The following GALNT13 variants were observed in gnomAD, a reference collection of about 807,000 sequenced individuals.
GALNT13 encodes the protein UDP-GalNAc:polypeptide N-acetylgalactosaminyltransferase 13.
GALNT13 carries 28 observed loss-of-function variants against 64.2 expected under a neutral mutation model. The ratio of observed to expected loss-of-function variants is 0.44; its 90% CI spans 0.32 to 0.60. The LOEUF is 0.60. Ranked by LOEUF, GALNT13 falls within the 20% of genes least tolerant of loss-of-function variation. GALNT13 has a pLI of 0.05. For synonymous variants in GALNT13, 214 were observed against 224.6 expected (o/e 0.95, Z 0.42); for missense variants, 577 against 669.8 (o/e 0.86, Z 1.53).
chr2:154,111,127 T>C (rs1052338131), intron 3 of GALNT13, among the ~76,000 whole-genome samples: 9 of 152,328 alleles, frequency 5.9e-5, no homozygotes, highest in African/African-American at 1.4e-4. Context: ...GGTCATGTGT[T>C]CGTAGGTGGT....
intron 3 of GALNT13, among the ~76,000 whole-genome samples, chr2:153,990,733 A>G (rs2105187869): frequency 6.6e-6 from 1 of 152,302 alleles, no homozygotes; most frequent in Middle Eastern, 3.4e-3. Flanking sequence ...CTAAATGAAT[A>G]GTTTAATGTG....
the GALNT13 span, among the ~76,000 whole-genome samples, chr2:153,549,474 G>A: frequency 3.3e-5 from 5 of 152,184 alleles, no homozygotes; most frequent in African/African-American, 1.2e-4. Flanking sequence ...ATGGCCTCAT[G>A]ACTTGCTTTG....
chr2:153,558,917 T>C, the GALNT13 span, among the ~76,000 whole-genome samples: 16 of 152,204 alleles, frequency 1.1e-4, no homozygotes, highest in Non-Finnish European at 2.2e-4. Flanking sequence ...CCAGGAATAA[T>C]GGTCAATTGC....
At chr2:153,921,403 G>A (rs1472947633) in intron 2 of GALNT13, among the ~76,000 whole-genome samples, 1 of 152,116 alleles carries the variant, frequency 6.6e-6, no homozygotes, top group Non-Finnish European at 1.5e-5. Context: ...ATTTGTAAGT[G>A]GGAGCTAAAC....
At chr2:154,287,243 A>T (rs914391415) in intron 8 of GALNT13, 2 of 1,025,304 alleles carry the variant, frequency 2.0e-6, no homozygotes, top group African/African-American at 3.1e-5. Context: ...GGCAGCCATC[A>T]TCTTTGCCGA....
At chr2:153,454,859 T>C in the GALNT13 span, among the ~76,000 whole-genome samples, 1 of 152,254 alleles carries the variant, frequency 6.6e-6, no homozygotes, top group Non-Finnish European at 1.5e-5. Context: ...GGATTAGTTA[T>C]ATAAATCATT....
rs1260079328 is a variant in GALNT13 at position 154,453,589 on chromosome 2, GCTT to G, written c.*3042_*3044del. ...CCTGTACCTGACAATCTATGAGTTT[GCTT>G]CTTTATTTCTGTCTATACTTCCCCC... On this transcript the variant is annotated 3_prime_UTR_variant, in exon 13 of 13. Coordinates refer to ENST00000392825, the MANE Select transcript of GALNT13 (RefSeq NM_052917.4). The G allele has an allele frequency of 6.6e-6, 1 of 151,956 alleles. No homozygotes were observed. Among genetic ancestry groups the G allele is most frequent in the Non-Finnish European group, 1.5e-5 (1 of 68,020 alleles). 9.4% of individuals were successfully genotyped at this position (151,956 alleles called of 1,614,324 possible).
chr2:153,558,883 T>A, the GALNT13 span, among the ~76,000 whole-genome samples: 2 of 152,198 alleles, frequency 1.3e-5, no homozygotes, highest in African/African-American at 4.8e-5. Context: ...ACTGGAAATT[T>A]CATAAATACC....
At chr2:153,273,185 G>A in the GALNT13 span, among the ~76,000 whole-genome samples, 1 of 152,082 alleles carries the variant, frequency 6.6e-6, no homozygotes, top group Admixed American at 6.6e-5. Flanking sequence ...GTAGATGATG[G>A]GTTGATGGGT....
the GALNT13 span, among the ~76,000 whole-genome samples, chr2:153,525,448 T>G: frequency 3.3e-5 from 5 of 152,142 alleles, no homozygotes; most frequent in African/African-American, 1.2e-4. Context: ...CCCCAGTTCT[T>G]GGGCCAAGGA....
intron 4 of GALNT13, among the ~76,000 whole-genome samples, chr2:154,180,813 T>C (rs1685921592): frequency 6.6e-6 from 1 of 152,188 alleles, no homozygotes; most frequent in Non-Finnish European, 1.5e-5. Context: ...TTTAATGTCA[T>C]TAACTGGAGA....
chr2:153,188,906 T>C, the GALNT13 span, among the ~76,000 whole-genome samples: 25 of 152,304 alleles, frequency 1.6e-4, no homozygotes, highest in East Asian at 4.6e-3. Flanking sequence ...GAATGTTTAA[T>C]GATCAAGTCA....
chr2:153,195,967 T>G, the GALNT13 span, among the ~76,000 whole-genome samples: 1 of 152,094 alleles, frequency 6.6e-6, no homozygotes, highest in Non-Finnish European at 1.5e-5. Flanking sequence ...AGGGTTCAGC[T>G]CTTAGCAGAG....
the GALNT13 span, among the ~76,000 whole-genome samples, chr2:153,096,639 T>G: frequency 6.6e-6 from 1 of 152,162 alleles, no homozygotes; most frequent in African/African-American, 2.4e-5. Context: ...CTTTTTATGG[T>G]TTTGGCCTTG....
intron 3 of GALNT13, among the ~76,000 whole-genome samples, chr2:153,948,683 A>C (rs1263378987): frequency 6.6e-6 from 1 of 152,108 alleles, no homozygotes; most frequent in East Asian, 1.9e-4. Flanking sequence ...CATAAAAAAG[A>C]ATGAGATCAT....
chr2:154,313,121 A>T (rs1318230778), intron 9 of GALNT13, among the ~76,000 whole-genome samples: 1 of 151,474 alleles, frequency 6.6e-6, no homozygotes, highest in Non-Finnish European at 1.5e-5. Context: ...TTCTCAAAAT[A>T]ATTTTATCAT....
chr2:153,650,789 G>A, the GALNT13 span, among the ~76,000 whole-genome samples: 2 of 152,098 alleles, frequency 1.3e-5, no homozygotes, highest in African/African-American at 2.4e-5. Flanking sequence ...TGTCCCTCCA[G>A]CAAATTTTTT....
chr2:154,364,975 A>T (rs1405647111), intron 9 of GALNT13, among the ~76,000 whole-genome samples: 2 of 152,154 alleles, frequency 1.3e-5, no homozygotes, highest in East Asian at 3.9e-4. Context: ...CCAAAGAGTT[A>T]TCCTTCACTT....
intron 1 of GALNT13, among the ~76,000 whole-genome samples, chr2:153,893,503 C>T (rs915509726): frequency 8.6e-5 from 13 of 151,872 alleles, no homozygotes; most frequent in Admixed American, 2.6e-4. Context: ...ACCATTTAGA[C>T]GTAACAATGT....
Sources: allele counts gnomAD v4.1 joint callset (sites outside exome capture counted in the v4.1 genomes callset), GRCh38; gene constraint gnomAD v4.1.1; transcripts MANE v1.5; gene names NCBI Gene and HGNC (gene_info 2026-07-23, HGNC 2026-07-21).